Variants in BTD observed in about 807,000 individuals in gnomAD.
The protein encoded by BTD is biocytinase.
BTD carries 13 observed loss-of-function variants against 17.7 expected under a neutral mutation model. The observed-to-expected ratio is 0.74, with a 90% CI of 0.48 to 1.17. The LOEUF is 1.17. BTD is among the 50% of genes most tolerant of loss of function. BTD has a pLI of 0.00. For synonymous variants in BTD, 240 were observed against 245.2 expected (o/e 0.98, Z 0.20); for missense variants, 674 against 650.4 (o/e 1.04, Z -0.39).
At chr3:15,667,460 T>TG (rs1330161819) in intron 3 of BTD, 1 of 152,258 alleles carries the variant, frequency 6.6e-6, no homozygotes, top group African/African-American at 2.4e-5. Context: ...TGTCATCTTT[T>TG]ATGTATAAGT....
Position 15,650,571 on chromosome 3 carries a change from C to T in BTD, c.*5083C>T, listed in dbSNP as rs542522363. Among the ~76,000 whole-genome samples, 15 of 152,320 alleles carry T rather than the reference C, an allele frequency of 9.8e-5. No individual in the cohort carries two copies. The highest frequency in any genetic ancestry group is 2.6e-4 in the African/African-American group (11 of 41,562). On this transcript the variant is annotated 3_prime_UTR_variant, in exon 4 of 4. Coordinates refer to ENST00000643237, the MANE Select transcript of BTD (RefSeq NM_001370658.1). Reference sequence around the variant, plus strand: ...CACTCTACTCTGCACTCTTCTTTATCATTTTCTCCCACAGACAGACTCTCG... The same window carrying T: ...CACTCTACTCTGCACTCTTCTTTATTATTTTCTCCCACAGACAGACTCTCG...
intron 1 of BTD, among the ~76,000 whole-genome samples, chr3:15,616,639 T>C (rs1056474217): frequency 1.3e-5 from 2 of 152,098 alleles, no homozygotes; most frequent in Non-Finnish European, 2.9e-5. Context: ...GTTTTGTTTT[T>C]TTCCTTTCAC....
At chr3:15,667,073 GAATA>G (rs974620413) in intron 3 of BTD, among the ~76,000 whole-genome samples, 3 of 152,036 alleles carry the variant, frequency 2.0e-5, no homozygotes, top group African/African-American at 4.8e-5. Flanking sequence ...AGTATTTGTT[GAATA>G]AATATATTTG....
At chr3:15,679,543 G>C in intron 3 of BTD, 1 of 1,612,796 alleles carries the variant, frequency 6.2e-7, no homozygotes, top group Non-Finnish European at 8.5e-7. Context: ...TCTAAAAGCA[G>C]TTCTACACAT....
intron 3 of BTD, among the ~76,000 whole-genome samples, chr3:15,704,270 G>C (rs1051106150): frequency 5.3e-5 from 8 of 151,932 alleles, no homozygotes; most frequent in African/African-American, 7.3e-5. Context: ...CAGGACAATG[G>C]GGGTAACAAG....
intron 3 of BTD, chr3:15,670,179 G>A: frequency 7.2e-7 from 1 of 1,391,746 alleles, no homozygotes; most frequent in Non-Finnish European, 9.8e-7. Context: ...TTTCCTCTTA[G>A]GTTGAATTTC....
downstream of BTD, among the ~76,000 whole-genome samples, chr3:15,717,170 G>A (rs1039373101): frequency 2.0e-5 from 3 of 151,966 alleles, no homozygotes; most frequent in Non-Finnish European, 4.4e-5. Flanking sequence ...TAGAGACAAG[G>A]TCTTGCTATA....
At chr3:15,698,967 A>G (rs928706508) in intron 3 of BTD, among the ~76,000 whole-genome samples, 2 of 152,246 alleles carry the variant, frequency 1.3e-5, no homozygotes, top group Non-Finnish European at 2.9e-5. Flanking sequence ...AGCTGGAAGC[A>G]TCATGCTACC....
At chr3:15,664,046 T>C (rs1349863002) in intron 3 of BTD, among the ~76,000 whole-genome samples, 1 of 152,190 alleles carries the variant, frequency 6.6e-6, no homozygotes, top group Non-Finnish European at 1.5e-5. Context: ...GAATTACAGG[T>C]GCCTGCCACC....
chr3:15,675,890 C>A, intron 3 of BTD: 1 of 1,600,240 alleles, frequency 6.2e-7, no homozygotes, highest in Non-Finnish European at 8.5e-7. Flanking sequence ...AATATAGAAC[C>A]AACTTACCAT....
In BTD at chr3:15,687,099, C is replaced by T. The variant is rs141217516; in HGVS notation, c.400-22961C>T. On this transcript the variant is annotated intron_variant, in intron 3 of 3. Coordinates refer to the BTD transcript ENST00000672141. ...CTGGGATTACAGGCGCCTGCCACCA[C>T]ACCCGGCGATTTTTTTTGTATTTTT... is the stretch of plus-strand genomic sequence containing the variant. Among the ~76,000 whole-genome samples the T allele has an allele frequency of 3.1e-3, 476 of 152,044 alleles. 3 individuals are homozygous for T. The highest frequency in any genetic ancestry group is 0.011 in the African/African-American group (466 of 41,436).
At chr3:15,664,312 G>C (rs1397193258) in intron 3 of BTD, among the ~76,000 whole-genome samples, 1 of 152,214 alleles carries the variant, frequency 6.6e-6, no homozygotes, top group Non-Finnish European at 1.5e-5. Context: ...GTTGTTAAGT[G>C]CATTGGTCAA....
chr3:15,638,975 A>G (rs2065431220), intron 2 of BTD, among the ~76,000 whole-genome samples: 1 of 152,244 alleles, frequency 6.6e-6, no homozygotes, highest in Non-Finnish European at 1.5e-5. Context: ...GTCATCATGC[A>G]GTGCATGACT....
intron 3 of BTD, chr3:15,686,139 G>A: frequency 6.2e-7 from 1 of 1,607,478 alleles, no homozygotes; most frequent in Non-Finnish European, 8.5e-7. Flanking sequence ...AACAGGAATA[G>A]GTTCAGTGCT....
At chr3:15,602,276 A>T in intron 1 of BTD, 1 of 1,214,754 alleles carries the variant, frequency 8.2e-7, no homozygotes, top group Non-Finnish European at 1.0e-6. Flanking sequence ...CTATTCAGCC[A>T]TTGGGTCACA....
At chr3:15,661,491 T>TA (rs1315905972) in intron 3 of BTD, among the ~76,000 whole-genome samples, 1 of 152,160 alleles carries the variant, frequency 6.6e-6, no homozygotes, top group Non-Finnish European at 1.5e-5. Flanking sequence ...GGTCCAATTT[T>TA]AAAAGTTGCT....
intron 1 of BTD, among the ~76,000 whole-genome samples, chr3:15,613,841 A>G (rs1284012198): frequency 3.3e-5 from 5 of 152,030 alleles, no homozygotes; most frequent in Non-Finnish European, 7.4e-5. Context: ...AGCACATTTA[A>G]GATTTTGTTT....
At chr3:15,662,109 GC>G (rs2065930948) in intron 3 of BTD, among the ~76,000 whole-genome samples, 1 of 152,116 alleles carries the variant, frequency 6.6e-6, no homozygotes, top group African/African-American at 2.4e-5. Context: ...GCTATTCTTG[GC>G]TTTTGCCTCT....
chr3:15,701,744 G>T (rs979416624), intron 3 of BTD, among the ~76,000 whole-genome samples: 1 of 152,114 alleles, frequency 6.6e-6, no homozygotes. Context: ...AAGGTAATAA[G>T]ACTGGTGTTT....
Sources: gnomAD v4.1 joint callset for allele counts (sites outside exome capture counted in the v4.1 genomes callset) on GRCh38, gnomAD v4.1.1 for gene constraint, MANE v1.5 for transcripts, NCBI Gene and HGNC (gene_info 2026-07-23, HGNC 2026-07-21) for gene names.